Variants in LRP1B observed in about 807,000 individuals in gnomAD.
LRP1B encodes the protein low-density lipoprotein receptor-related protein 1B.
A neutral mutation model predicts 556.6 loss-of-function variants in LRP1B; 217 were observed. The observed-to-expected ratio is 0.39, with a 90% CI of 0.35 to 0.44. The LOEUF (loss-of-function observed/expected upper bound fraction) is 0.44, where lower values mean the gene tolerates loss of function less well. Among genes scored for constraint, LRP1B ranks in the 20% least tolerant of loss-of-function variants. The probability of loss-of-function intolerance (pLI) is 1.00; values close to 1 mark genes in which losing one functional copy is unlikely to be tolerated. For missense variants in LRP1B, 5,053 were observed against 5,620.8 expected (o/e 0.90, Z 3.23); for synonymous variants, 2,047 against 1,865.8 (o/e 1.10, Z -2.50).
At position 141,904,663 on chromosome 2, in the gene LRP1B, A is replaced by G. The variant is rs779479517; in HGVS notation, c.83-94262T>C. 4.6e-5 allele frequency among the ~76,000 whole-genome samples: 7 copies of G among 152,038 alleles called. No individual in the cohort carries two copies. In the East Asian group the frequency reaches 5.8e-4, roughly 13 times the overall value. On this transcript the variant is annotated intron_variant, in intron 1 of 90. Transcript: ENST00000389484. ...TGACATGAACTAAATGGTATCGCCT[A>G]TGGAAAGAATGAAGCAAGAGAGAGG...
chr2:141,124,446 G>A (rs529151637), intron 7 of LRP1B, among the ~76,000 whole-genome samples: 2 of 152,118 alleles, frequency 1.3e-5, no homozygotes, highest in South Asian at 4.1e-4. Context: ...AATTTCGCTT[G>A]CAAAGCAATT....
intron 62 of LRP1B, among the ~76,000 whole-genome samples, chr2:140,451,721 A>G (rs980341206): frequency 6.6e-6 from 1 of 152,136 alleles, no homozygotes; most frequent in Non-Finnish European, 1.5e-5. Flanking sequence ...TTTTAGGACA[A>G]AGAAAAATTC....
intron 77 of LRP1B, among the ~76,000 whole-genome samples, chr2:140,337,365 C>T (rs1025526163): frequency 3.3e-5 from 5 of 151,824 alleles, no homozygotes; most frequent in African/African-American, 7.2e-5. Context: ...TAAAGCACTC[C>T]GCAATACAGT....
At chr2:141,793,780 A>C (rs1202709822) in intron 2 of LRP1B, among the ~76,000 whole-genome samples, 2 of 151,930 alleles carry the variant, frequency 1.3e-5, no homozygotes, top group Non-Finnish European at 2.9e-5. Flanking sequence ...AGTTAAAATT[A>C]AGTTAGAATC....
intron 35 of LRP1B, among the ~76,000 whole-genome samples, chr2:140,722,391 G>A: frequency 6.6e-6 from 1 of 152,160 alleles, no homozygotes; most frequent in East Asian, 1.9e-4. Context: ...ACCTTTAGTA[G>A]ATAGGGTTTA....
At chr2:141,743,740 C>T (rs180906042) in intron 2 of LRP1B, among the ~76,000 whole-genome samples, 5 of 151,948 alleles carry the variant, frequency 3.3e-5, no homozygotes, top group African/African-American at 4.8e-5. Flanking sequence ...GTATGTTGCA[C>T]GTGTCTAGGA....
At chr2:141,524,769 GAGAGAGAGACAGAGAGAGAA>G in intron 2 of LRP1B, among the ~76,000 whole-genome samples, 1 of 151,722 alleles carries the variant, frequency 6.6e-6, no homozygotes, top group African/African-American at 2.4e-5. Context: ...AAAAGAAAGA[GAGAGAGAGACAGAGAGAGAA>G]AGAGAGAGAC....
intron 11 of LRP1B, among the ~76,000 whole-genome samples, chr2:141,025,743 C>CTA (rs1327592926): frequency 1.3e-5 from 2 of 152,018 alleles, no homozygotes; most frequent in South Asian, 2.1e-4. Context: ...CTCTGTCTCT[C>CTA]TATATATACA....
At chr2:140,821,639 G>A (rs1436730185) in intron 31 of LRP1B, among the ~76,000 whole-genome samples, 1 of 152,210 alleles carries the variant, frequency 6.6e-6, no homozygotes, top group Non-Finnish European at 1.5e-5. Context: ...ACTTCATACA[G>A]TGTATGAGTT....
intron 1 of LRP1B, among the ~76,000 whole-genome samples, chr2:141,990,608 G>T (rs1482833547): frequency 6.6e-6 from 1 of 152,044 alleles, no homozygotes; most frequent in African/African-American, 2.4e-5. Context: ...TGCACAGGTA[G>T]AGCTAGGCTA....
intron 1 of LRP1B, among the ~76,000 whole-genome samples, chr2:142,062,209 G>T (rs1704945031): frequency 6.6e-6 from 1 of 151,752 alleles, no homozygotes; most frequent in African/African-American, 2.4e-5. Flanking sequence ...CCTTCCACAT[G>T]CTTAGAAAAC....
chr2:140,354,241 A>G (rs948919361), intron 75 of LRP1B, among the ~76,000 whole-genome samples: 2 of 152,122 alleles, frequency 1.3e-5, no homozygotes, highest in African/African-American at 2.4e-5. Context: ...GAATCAGCAC[A>G]GTAAGAATAA....
At chr2:140,404,146 G>T (rs1475120433) in intron 66 of LRP1B, among the ~76,000 whole-genome samples, 2 of 149,666 alleles carry the variant, frequency 1.3e-5, no homozygotes, top group Non-Finnish European at 3.0e-5. Context: ...ACAAAAGCTG[G>T]ATCTGTACCA....
At chr2:140,787,785 G>C (rs1255957659) in intron 32 of LRP1B, among the ~76,000 whole-genome samples, 2 of 151,572 alleles carry the variant, frequency 1.3e-5, no homozygotes, top group Non-Finnish European at 2.9e-5. Context: ...ATATTGCCCA[G>C]GCTTGTTTAG....
At chr2:140,738,504 G>C (rs1688025524) in intron 35 of LRP1B, among the ~76,000 whole-genome samples, 2 of 152,082 alleles carry the variant, frequency 1.3e-5, no homozygotes, top group South Asian at 4.1e-4. Flanking sequence ...TTCACACTAA[G>C]GCCTCAGCTC....
chr2:141,810,377 T>G lies in LRP1B; in HGVS notation c.107A>C (p.Glu36Ala). The G allele has an allele frequency of 6.2e-7, 1 of 1,612,962 alleles. No homozygotes were observed. The highest frequency in any genetic ancestry group is 8.5e-7 in the Non-Finnish European group (1 of 1,179,372). The change falls in exon 2 of 91, where the codon GAA becomes GCA. Residue 36 changes from glutamate to alanine, a missense_variant. Transcript: ENST00000389484. ...DRDQQLCDPG[E>A]FLCHDHVTCV... The stretch of plus-strand genomic sequence containing the variant: ...AGTCACGTGATCGTGGCAAAGAAAT[T>G]CACCAGGATCACACAACTGCTGATC...
At chr2:141,665,055 A>G (rs1343290569) in intron 2 of LRP1B, among the ~76,000 whole-genome samples, 2 of 152,200 alleles carry the variant, frequency 1.3e-5, no homozygotes, top group African/African-American at 2.4e-5. Flanking sequence ...AAGACTGCAC[A>G]TCTACAACCA....
intron 66 of LRP1B, among the ~76,000 whole-genome samples, chr2:140,394,978 C>A (rs757637734): frequency 1.3e-5 from 2 of 152,122 alleles, no homozygotes; most frequent in South Asian, 2.1e-4. Flanking sequence ...AATGACTATA[C>A]GTGAATACTT....
chr2:141,054,039 A>G (rs1474280346), intron 10 of LRP1B, among the ~76,000 whole-genome samples: 1 of 152,042 alleles, frequency 6.6e-6, no homozygotes, highest in African/African-American at 2.4e-5. Flanking sequence ...AGGAATACAA[A>G]TAAAAAATGT....
Sources: allele counts gnomAD v4.1 joint callset (sites outside exome capture counted in the v4.1 genomes callset), GRCh38; gene constraint gnomAD v4.1.1; transcripts MANE v1.5; gene names NCBI Gene and HGNC (gene_info 2026-07-23, HGNC 2026-07-21).